The following RBMX variants were observed in gnomAD, a reference collection of about 807,000 sequenced individuals.
The protein encoded by RBMX is RNA-binding motif protein, X chromosome.
In RBMX, 1 loss-of-function variant was observed where a neutral mutation model predicts 29.3. That is an observed-to-expected ratio of 0.03 (90% confidence interval 0.01 to 0.16). The LOEUF (loss-of-function observed/expected upper bound fraction) is 0.16, where lower values mean the gene tolerates loss of function less well. Ranked by LOEUF, RBMX falls within the 10% of genes least tolerant of loss-of-function variation. The pLI is 1.00. For synonymous variants in RBMX, 102 were observed against 102.3 expected, an observed-to-expected ratio of 1.00 and a Z score of 0.02; for missense variants, 121 against 333.2, an observed-to-expected ratio of 0.36 and a Z score of 4.96.
chrX:136,878,192 G>C (rs989570700), intron 3 of RBMX, 106 bp from the exon 4 acceptor site: 33 of 703,835 alleles, frequency 4.7e-5, no homozygotes, highest in Middle Eastern at 5.2e-4. Flanking sequence ...TTATGGGTAA[G>C]TGTTGCTCAT....
At position 136,877,328 on chromosome X, in the gene RBMX, ACC is replaced by A. The variant is rs765225668; in HGVS notation, c.388+585_388+586del. Among the ~76,000 whole-genome samples, 191 of 25,307 alleles carry A rather than the reference ACC, an allele frequency of 7.5e-3. 7 individuals carry two copies. Among genetic ancestry groups the A allele is most frequent in the African/African-American group, 0.022 (175 of 7,915 alleles). The allele number at this position is 25,307 out of a possible 115,157, so 22.0% of individuals were successfully genotyped here. A position where few individuals can be genotyped will look rare whatever the true frequency, so the allele number is the denominator to read the frequency against. On this transcript the variant is annotated intron_variant, in intron 4 of 8. Coordinates refer to ENST00000320676, the MANE Select transcript of RBMX (RefSeq NM_002139.4). ...GCCTGGGCAACAAGTGCTAAACTCTACCCCCCCCCCCCCAAAAAAAAACCATT... is the reference window on the plus strand; with the variant it reads ...GCCTGGGCAACAAGTGCTAAACTCTACCCCCCCCCCCAAAAAAAAACCATT...
intron 8 of RBMX, 74 bp downstream of exon 8, chrX:136,875,012 A>G (rs1455189079): frequency 8.4e-7 from 1 of 1,187,868 alleles, no homozygotes. Flanking sequence ...CAAGCACCAC[A>G]CAGCCTAATA....
Position 136,879,329 on chromosome X carries a change from T to G in RBMX, c.99A>C (p.Arg33=). The G allele has an allele frequency of 8.3e-7, 1 of 1,211,592 alleles. No individual in the cohort carries two copies. Among genetic ancestry groups the G allele is most frequent in the Non-Finnish European group, 1.1e-6 (1 of 895,431 alleles). The change falls in exon 2 of 9, where the codon CGA becomes CGC. Residue 33 remains arginine (R), a synonymous_variant. Transcript: ENST00000320676. ...TGCCAGACAACTCACCTTCCACTAT[T>G]CGTCCATATTTGCCAAATACTGCTT... ...ALEAVFGKYG[R]IVEVLLMKDR...
At chrX:136,871,827 T>TC (rs1181716047), downstream of RBMX, among the ~76,000 whole-genome samples, 3 of 102,175 alleles carry the variant, frequency 2.9e-5, no homozygotes, top group Non-Finnish European at 6.0e-5. Flanking sequence ...TTTTTTTTTT[T>TC]TTTTTCTAGT....
At chrX:136,876,752 G>A in intron 4 of RBMX, 97 bp from the exon 5 acceptor site, 2 of 754,730 alleles carry the variant, frequency 2.6e-6, no homozygotes, top group Non-Finnish European at 3.6e-6. Context: ...CTGTCGCCCA[G>A]GCTGGAGTGC....
At chrX:136,878,816 G>C (rs1162450092) in intron 3 of RBMX, among the ~76,000 whole-genome samples, 1 of 108,083 alleles carries the variant, frequency 9.3e-6, no homozygotes, top group Non-Finnish European at 1.9e-5. Flanking sequence ...ACGAGCATAA[G>C]ATATAACTCA....
intron 8 of RBMX, chrX:136,874,703 GTTATT>G: frequency 4.7e-6 from 2 of 426,050 alleles, no homozygotes; most frequent in South Asian, 1.0e-4. Flanking sequence ...CAGAGAGCTT[GTTATT>G]TTATAGTAGA....
At chrX:136,872,364 T>C (rs1328348601), downstream of RBMX, 2 of 1,151,046 alleles carry the variant, frequency 1.7e-6, no homozygotes, top group Non-Finnish European at 2.3e-6. Flanking sequence ...GTTAAATAAA[T>C]GAAAACTAGT....
At chrX:136,872,252 T>C, downstream of RBMX, 1 of 1,119,982 alleles carries the variant, frequency 8.9e-7, no homozygotes. Context: ...CAAAGGCCAT[T>C]GCTTTCAACA....
In RBMX at chrX:136,879,428, GTT is replaced by G. The variant is rs755621649; in HGVS notation, c.-3_-2del. On this transcript the variant is annotated 5_prime_UTR_variant, in exon 2 of 9. Transcript: ENST00000320676. The stretch of plus-strand genomic sequence containing the variant: ...TTCCTGGGCGATCTGCTTCAACCAT[GTT>G]TTTTTTTTTTTGGGCCGGTGAGTCT... The G allele has an allele frequency of 8.9e-6, 10 of 1,117,725 alleles. No individual in the cohort carries two copies. Among genetic ancestry groups the G allele is most frequent in the Admixed American group, 5.1e-5 (2 of 39,063 alleles). The allele number at this position is 1,117,725 out of a possible 1,213,427, so 92.1% of individuals were successfully genotyped here.
In RBMX at chrX:136,879,507, G is replaced by A; in HGVS notation, c.-26-54C>T. The A allele has an allele frequency of 3.1e-6, 3 of 971,651 alleles. No individual in the cohort carries two copies. In the Admixed American group the frequency reaches 8.4e-5, roughly 27 times the overall value. 80.1% of individuals were successfully genotyped at this position (971,651 alleles called of 1,213,427 possible). A position where few individuals can be genotyped will look rare whatever the true frequency, so the allele number is the denominator to read the frequency against. Reference sequence around the variant, plus strand: ...TGCAAAAAGTTCCTCAAGTTTATTGGACACTTTTACTTTCGCACATTTCTC... The same window carrying A: ...TGCAAAAAGTTCCTCAAGTTTATTGAACACTTTTACTTTCGCACATTTCTC... On this transcript the variant is annotated intron_variant, in intron 1 of 8. Transcript: ENST00000320676.
At chrX:136,871,764 A>G (rs769539757), downstream of RBMX, among the ~76,000 whole-genome samples, 479 of 106,328 alleles carry the variant, frequency 4.5e-3, 1 homozygote, top group African/African-American at 0.015. Context: ...ATTCTGCCTC[A>G]GCCTCCCCAG....
intron 3 of RBMX, 136 bp from the exon 4 acceptor site, chrX:136,878,222 G>T: frequency 3.9e-6 from 2 of 513,543 alleles, no homozygotes; most frequent in Non-Finnish European, 6.0e-6. Flanking sequence ...AAAAAACACT[G>T]CAAATATAGT....
At position 136,876,417 on chromosome X, in the gene RBMX, T is replaced by C. The variant is rs945847182; in HGVS notation, c.541+86A>G. The C allele has an allele frequency of 7.8e-6, 8 of 1,026,614 alleles. No individual in the cohort carries two copies. In the Middle Eastern group the frequency reaches 1.2e-3, roughly 159 times the overall value. The allele number at this position is 1,026,614 out of a possible 1,213,427, so 84.6% of individuals were successfully genotyped here. The stretch of plus-strand genomic sequence containing the variant: ...GATTACGGGCGTGAGCCACCACGCC[T>C]GGCCAATTAAAATTTTAAGCATCAT... On this transcript the variant is annotated intron_variant, in intron 5 of 8. Coordinates refer to ENST00000320676, the MANE Select transcript of RBMX (RefSeq NM_002139.4).
Position 136,873,964 on chromosome X carries a change from T to G in RBMX, c.*178A>C. 1 of 1,081,546 alleles carries G rather than the reference T, an allele frequency of 9.2e-7. No homozygotes were observed. Among genetic ancestry groups the G allele is most frequent in the Non-Finnish European group, 1.2e-6 (1 of 834,225 alleles). The allele number at this position is 1,081,546 out of a possible 1,213,427, so 89.1% of individuals were successfully genotyped here. A position where few individuals can be genotyped will look rare whatever the true frequency, so the allele number is the denominator to read the frequency against. ...AAGCAATGCGAAAGTCAAATAAAAT[T>G]AAACATGTTTTACTTTTTTCCTCAC... On this transcript the variant is annotated 3_prime_UTR_variant, in exon 9 of 9. Coordinates refer to ENST00000320676, the MANE Select transcript of RBMX (RefSeq NM_002139.4).
At chrX:136,874,774 A>G (rs1475114949) in intron 8 of RBMX, 4 of 379,642 alleles carry the variant, frequency 1.1e-5, no homozygotes, top group Non-Finnish European at 1.7e-5. Flanking sequence ...ACTTGCCTTC[A>G]TATTGCAATG....
chrX:136,874,130 T>A lies in RBMX; in HGVS notation c.*12A>T. On this transcript the variant is annotated 3_prime_UTR_variant, in exon 9 of 9. Transcript: ENST00000320676. ...TTTGAACTGGGATTTTGGTCCAAAG[T>A]TTTGTTTGTTTCTAGTATCTGCTTC... 8.4e-7 allele frequency: 1 copy of A among 1,184,816 alleles called. No individual in the cohort carries two copies. The highest frequency in any genetic ancestry group is 1.1e-6 in the Non-Finnish European group (1 of 881,981).
At chrX:136,873,424 T>G (rs368205345), downstream of RBMX, 1 of 751,385 alleles carries the variant, frequency 1.3e-6, no homozygotes, top group Non-Finnish European at 1.6e-6. Context: ...TGCAAAAATT[T>G]GAAACAGTAA....
downstream of RBMX, chrX:136,870,284 C>T (rs946609690): frequency 8.9e-6 from 1 of 112,681 alleles, no homozygotes; most frequent in Non-Finnish European, 1.9e-5. Context: ...TGTTAATCAA[C>T]ACTGATGCCT....
Sources: allele counts gnomAD v4.1 joint callset (sites outside exome capture counted in the v4.1 genomes callset), GRCh38; gene constraint gnomAD v4.1.1; transcripts MANE v1.5; gene names NCBI Gene and HGNC (gene_info 2026-07-23, HGNC 2026-07-21).